The following GSTM4 variants were observed in gnomAD, a reference collection of about 807,000 sequenced individuals.
GSTM4 encodes GST class-mu 4.
GSTM4 carries 27 observed loss-of-function variants against 30.1 expected under a neutral mutation model. That is an observed-to-expected ratio of 0.90 (90% confidence interval 0.66 to 1.24). The LOEUF is 1.24. GSTM4 is among the 50% of genes most tolerant of loss of function. GSTM4 has a pLI of 0.00. For synonymous variants in GSTM4, 94 were observed against 96.2 expected, an observed-to-expected ratio of 0.98 and a Z score of 0.13; for missense variants, 238 against 272.1, an observed-to-expected ratio of 0.87 and a Z score of 0.88.
chr1:109,659,065 C>T lies in GSTM4; in HGVS notation c.522C>T (p.Cys174=), dbSNP rs1359254767. Residue 174 remains cysteine, a synonymous_variant, in exon 7 of 8, where the codon TGC becomes TGT. Coordinates refer to ENST00000369836, the MANE Select transcript of GSTM4 (RefSeq NM_000850.5). ...LDLHRIFEPN[C]LDAFPNLKDF... is the part of the protein sequence containing the mutation. ...TCCACCGTATATTTGAGCCCAACTGCTTGGACGCCTTTCCAAATCTGAAGG... is the reference window on the plus strand; with the variant it reads ...TCCACCGTATATTTGAGCCCAACTGTTTGGACGCCTTTCCAAATCTGAAGG... The T allele has an allele frequency of 2.5e-6, 4 of 1,614,234 alleles. No homozygotes were observed. The highest frequency in any genetic ancestry group is 3.4e-6 in the Non-Finnish European group (4 of 1,180,044).
chr1:109,665,646 A>G (rs536876232), downstream of GSTM4: 1 of 152,470 alleles, frequency 6.6e-6, no homozygotes, highest in Non-Finnish European at 1.5e-5. Flanking sequence ...AACACAAGAT[A>G]AAACGCTGCA....
In GSTM4 at chr1:109,658,964, A is replaced by C. The variant is rs181172117; in HGVS notation, c.457-36A>C. On this transcript the variant is annotated intron_variant, in intron 6 of 7. Coordinates refer to ENST00000369836, the MANE Select transcript of GSTM4 (RefSeq NM_000850.5). Reference sequence around the variant, plus strand: ...AGATTTGCCATACATCCTACGTTACAGAGATTCCAGCCCACACATTCTTGG... The same window carrying C: ...AGATTTGCCATACATCCTACGTTACCGAGATTCCAGCCCACACATTCTTGG... 5.2e-4 allele frequency: 844 copies of C among 1,613,182 alleles called. 5 individuals are homozygous for C. The African/African-American group carries it at 6.6e-3, about 13-fold the overall frequency.
At position 109,657,237 on chromosome 1, in the gene GSTM4, G is replaced by A. The variant is rs1489227994; in HGVS notation, c.135G>A (p.Gln45=). ...CAGCTCCTGACTATGACAGAAGCCA[G>A]TGGCTGAATGAAAAATTCAAGCTGG... ...MGDAPDYDRS[Q]WLNEKFKLGL... Residue 45 remains glutamine, a synonymous_variant, in exon 3 of 8, where the codon CAG becomes CAA. Coordinates refer to ENST00000369836, the MANE Select transcript of GSTM4 (RefSeq NM_000850.5). The A allele has an allele frequency of 5.6e-6, 9 of 1,612,648 alleles. No homozygotes were observed. Among genetic ancestry groups the A allele is most frequent in the Admixed American group, 1.7e-5 (1 of 60,026 alleles).
In GSTM4 at chr1:109,657,117, T is replaced by G. The variant is rs1570615544; in HGVS notation, c.113-98T>G. On this transcript the variant is annotated intron_variant, in intron 2 of 7. Transcript: ENST00000369836. The stretch of plus-strand genomic sequence containing the variant: ...TGAGTGGTCAGATTCTAGATCCACC[T>G]GTCTCAGGGATCTTGCCACTGGTTC... 3 of 1,225,518 alleles carry G rather than the reference T, an allele frequency of 2.4e-6. No homozygotes were observed. The East Asian group carries it at 7.0e-5, about 28-fold the overall frequency. 75.9% of individuals were successfully genotyped at this position (1,225,518 alleles called of 1,614,324 possible). A position where few individuals can be genotyped will look rare whatever the true frequency, so the allele number is the denominator to read the frequency against.
downstream of GSTM4, chr1:109,665,109 G>C: frequency 2.2e-6 from 2 of 903,234 alleles, no homozygotes; most frequent in Admixed American, 1.7e-5. Flanking sequence ...TTGTGAGGGT[G>C]TTTCCAGAAG....
chr1:109,657,554 G>C, intron 3 of GSTM4, 36 bp from the exon 4 acceptor site: 1 of 1,614,122 alleles, frequency 6.2e-7, no homozygotes, highest in East Asian at 2.2e-5. Context: ...GAGCCTGCTG[G>C]CCCAACTGAG....
chr1:109,658,221 G>T (rs569710847), intron 5 of GSTM4: 334 of 319,674 alleles, frequency 1.0e-3, no homozygotes, highest in Non-Finnish European at 1.7e-3. Context: ...GGGTAAAGAA[G>T]TATGTAGTGG....
At chr1:109,667,052 C>A (rs955486737), downstream of GSTM4, among the ~76,000 whole-genome samples, 4 of 152,128 alleles carry the variant, frequency 2.6e-5, no homozygotes, top group Admixed American at 2.6e-4. Flanking sequence ...TACGCAAACT[C>A]TACCCACTAG....
At chr1:109,667,008 C>T (rs1455719604), downstream of GSTM4, among the ~76,000 whole-genome samples, 2 of 152,016 alleles carry the variant, frequency 1.3e-5, no homozygotes, top group Non-Finnish European at 1.5e-5. Flanking sequence ...TGTTGTGGGG[C>T]ACTGTCCTGA....
chr1:109,664,989 A>G (rs1647257078), downstream of GSTM4: 1 of 1,611,414 alleles, frequency 6.2e-7, no homozygotes, highest in African/African-American at 1.3e-5. Flanking sequence ...GCACAATGTA[A>G]TTAATTATGA....
Position 109,656,350 on chromosome 1 carries a change from C to G in GSTM4, c.-40C>G, listed in dbSNP as rs900509170. On this transcript the variant is annotated 5_prime_UTR_variant, in exon 1 of 8. Transcript: ENST00000369836. ...CCCCAGAGGAGGTCGCAGTTCAGCC[C>G]AGCTGAGGCCTGTCTGCAGAATCGA... is the stretch of plus-strand genomic sequence containing the variant. The G allele has an allele frequency of 3.7e-6, 6 of 1,608,994 alleles. No individual in the cohort carries two copies. The African/African-American group carries it at 6.7e-5, about 18-fold the overall frequency.
At position 109,658,833 on chromosome 1, in the gene GSTM4, A is replaced by G. The variant is rs749325400; in HGVS notation, c.380A>G (p.Tyr127Cys). Reference protein sequence around the residue: ...SPDFEKLKPEYLEELPTMMQH... With the variant: ...SPDFEKLKPECLEELPTMMQH... The stretch of plus-strand genomic sequence containing the variant: ...CCTCAGGAGAAACTGAAGCCAGAAT[A>G]CTTGGAGGAACTTCCTACAATGATG... Residue 127 changes from tyrosine to cysteine, a missense_variant, in exon 6 of 8, where the codon TAC (tyrosine) becomes TGC (cysteine). Tyr to Cys is a radical substitution (Grantham distance 194). Transcript: ENST00000369836. The G allele has an allele frequency of 1.9e-6, 3 of 1,613,578 alleles. No individual in the cohort carries two copies. The highest frequency in any genetic ancestry group is 1.7e-4 in the Middle Eastern group (1 of 6,060).
intron 7 of GSTM4, chr1:109,659,611 T>C (rs1279451150): frequency 8.8e-5 from 33 of 375,814 alleles, no homozygotes; most frequent in South Asian, 4.4e-4. Flanking sequence ...TATTCATAGC[T>C]ACTCCCAGAA....
At chr1:109,662,563 C>T (rs978198626), downstream of GSTM4, among the ~76,000 whole-genome samples, 3 of 152,186 alleles carry the variant, frequency 2.0e-5, no homozygotes, top group African/African-American at 7.2e-5. Context: ...AACTATATAT[C>T]CAGAAATACG....
At chr1:109,664,341 CTTTTTTTTTTTTTTTTTTTTTTTT>C (rs77855995), downstream of GSTM4, among the ~76,000 whole-genome samples, 2 of 35,742 alleles carry the variant, frequency 5.6e-5, no homozygotes, top group South Asian at 1.7e-3. Flanking sequence ...GAGAGAATAG[CTTTTTTTTTTTTTTTTTTTTTTTT>C]TTTTTTTTTT....
Position 109,656,267 on chromosome 1 carries a change from G to A in GSTM4, c.-123G>A. 1.1e-6 allele frequency: 1 copy of A among 929,086 alleles called. No homozygotes were observed. The highest frequency in any genetic ancestry group is 1.8e-6 in the Non-Finnish European group (1 of 571,150). 57.6% of individuals were successfully genotyped at this position (929,086 alleles called of 1,614,324 possible). A position where few individuals can be genotyped will look rare whatever the true frequency, so the allele number is the denominator to read the frequency against. The stretch of plus-strand genomic sequence containing the variant: ...AAGTGACGACCTTGAAGATCGGCGG[G>A]CGCAGCGGGGCCGAGGGGGCGGGTC... On this transcript the variant is annotated 5_prime_UTR_variant, in exon 1 of 8. Coordinates refer to ENST00000369836, the MANE Select transcript of GSTM4 (RefSeq NM_000850.5).
Position 109,656,910 on chromosome 1 carries a change from C to T in GSTM4, c.112+123C>T. On this transcript the variant is annotated intron_variant, in intron 2 of 7. Coordinates refer to ENST00000369836, the MANE Select transcript of GSTM4 (RefSeq NM_000850.5). ...TGCTGGAGCTGCAGGCTGTCCCTTC[C>T]CTGAGCCCCGGTGAGGGAGTCCTGT... is the stretch of plus-strand genomic sequence containing the variant. The T allele has an allele frequency of 3.8e-6, 4 of 1,049,458 alleles. No homozygotes were observed. The East Asian group carries it at 7.1e-5, about 19-fold the overall frequency. The allele number at this position is 1,049,458 out of a possible 1,614,324, so 65.0% of individuals were successfully genotyped here.
downstream of GSTM4, chr1:109,664,923 T>A: frequency 6.8e-7 from 1 of 1,479,522 alleles, no homozygotes; most frequent in Non-Finnish European, 9.5e-7. Flanking sequence ...CTTAGTCAAC[T>A]CCTGGAGAAA....
At position 109,656,290 on chromosome 1, in the gene GSTM4, G is replaced by A. The variant is rs1651974302; in HGVS notation, c.-100G>A. Reference sequence around the variant, plus strand: ...GGGCGCAGCGGGGCCGAGGGGGCGGGTCTGGCGCTAGGTCCAGCCCCTGCG... The same window carrying A: ...GGGCGCAGCGGGGCCGAGGGGGCGGATCTGGCGCTAGGTCCAGCCCCTGCG... On this transcript the variant is annotated 5_prime_UTR_variant, in exon 1 of 8. Coordinates refer to ENST00000369836, the MANE Select transcript of GSTM4 (RefSeq NM_000850.5). 5.8e-6 allele frequency: 7 copies of A among 1,198,694 alleles called. No homozygotes were observed. The highest frequency in any genetic ancestry group is 1.2e-5 in the South Asian group (1 of 82,828). The allele number at this position is 1,198,694 out of a possible 1,614,324, so 74.3% of individuals were successfully genotyped here.
Sources: gnomAD v4.1 joint callset for allele counts (sites outside exome capture counted in the v4.1 genomes callset) on GRCh38, gnomAD v4.1.1 for gene constraint, MANE v1.5 for transcripts, NCBI Gene and HGNC (gene_info 2026-07-23, HGNC 2026-07-21) for gene names.